The following FAM227B variants were observed in gnomAD, a reference collection of about 807,000 sequenced individuals.
FAM227B encodes the protein family with sequence similarity 227 member B, also known as protein FAM227B.
FAM227B carries 88 observed loss-of-function variants against 73.8 expected under a neutral mutation model. The observed-to-expected ratio is 1.19, with a 90% CI of 1.00 to 1.42. FAM227B has a LOEUF of 1.42. Ranked by LOEUF, FAM227B falls within the 40% of genes most tolerant of loss-of-function variation. FAM227B has a pLI of 0.00. For missense variants in FAM227B, 632 were observed against 590.9 expected, an observed-to-expected ratio of 1.07 and a Z score of -0.72; for synonymous variants, 210 against 190.5, an observed-to-expected ratio of 1.10 and a Z score of -0.84.
chr15:49,440,038 T>C (rs936175004), intron 11 of FAM227B, among the ~76,000 whole-genome samples: 2 of 151,796 alleles, frequency 1.3e-5, no homozygotes, highest in African/African-American at 4.8e-5. Flanking sequence ...TAAGAAGCAC[T>C]GATCTAGTCT....
At chr15:49,393,874 T>A (rs539590451) in intron 11 of FAM227B, among the ~76,000 whole-genome samples, 1 of 152,242 alleles carries the variant, frequency 6.6e-6, no homozygotes, top group Admixed American at 6.5e-5. Flanking sequence ...TAGTAAAACA[T>A]AATCTAAGAA....
intron 14 of FAM227B, chr15:49,334,375 T>A (rs895013225): frequency 3.4e-6 from 1 of 295,270 alleles, no homozygotes; most frequent in Non-Finnish European, 5.0e-6. Context: ...AATTTACTGA[T>A]ATACACGTGT....
At chr15:49,504,072 T>C (rs1197184976) in intron 11 of FAM227B, among the ~76,000 whole-genome samples, 2 of 152,010 alleles carry the variant, frequency 1.3e-5, no homozygotes, top group African/African-American at 4.8e-5. Context: ...GTGGCACATA[T>C]ACACCATGGA....
At chr15:49,514,054 G>T (rs905063970) in intron 10 of FAM227B, among the ~76,000 whole-genome samples, 11 of 152,090 alleles carry the variant, frequency 7.2e-5, no homozygotes, top group African/African-American at 2.7e-4. Context: ...TGTTCTTTTT[G>T]CTTAGGAAGG....
intron 11 of FAM227B, among the ~76,000 whole-genome samples, chr15:49,425,890 T>C (rs910602628): frequency 5.3e-5 from 8 of 151,700 alleles, no homozygotes; most frequent in Non-Finnish European, 8.8e-5. Flanking sequence ...AAAGTTTATC[T>C]AAGGAAATGA....
chr15:49,380,406 A>G (rs1313234881), intron 11 of FAM227B, among the ~76,000 whole-genome samples: 5 of 152,184 alleles, frequency 3.3e-5, no homozygotes, highest in Non-Finnish European at 1.5e-5. Flanking sequence ...AGGTGAAGAC[A>G]AAGTCCTCTT....
At chr15:49,546,798 A>G (rs1174350263) in intron 9 of FAM227B, among the ~76,000 whole-genome samples, 1 of 152,206 alleles carries the variant, frequency 6.6e-6, no homozygotes, top group Non-Finnish European at 1.5e-5. Context: ...GACCAAATCT[A>G]CGTCTGATTG....
At chr15:49,508,850 A>G (rs1052301440) in intron 10 of FAM227B, among the ~76,000 whole-genome samples, 4 of 152,178 alleles carry the variant, frequency 2.6e-5, no homozygotes, top group African/African-American at 4.8e-5. Context: ...AATATTGTGC[A>G]TTAATAGAAA....
At chr15:49,419,836 T>C (rs1597067557) in intron 11 of FAM227B, among the ~76,000 whole-genome samples, 1 of 152,274 alleles carries the variant, frequency 6.6e-6, no homozygotes, top group Non-Finnish European at 1.5e-5. Context: ...ATTCATGCTG[T>C]AAAGTTGCAG....
rs377139081 is a variant in FAM227B at position 49,332,087 on chromosome 15, CCACACACACA to C, written c.1350-248_1350-239del. On this transcript the variant is annotated intron_variant, in intron 14 of 15. Transcript: ENST00000299338. ...CACCCCCGCTGCATGTGCACACGTG[CCACACACACA>C]CACACACACACACACACACACATCC... Among the ~76,000 whole-genome samples, 854 of 127,976 alleles carry C rather than the reference CCACACACACA, an allele frequency of 6.7e-3. 13 individuals are homozygous for C. The highest frequency in any genetic ancestry group is 0.021 in the African/African-American group (807 of 39,012). The allele number at this position is 127,976 out of a possible 152,430, so 84.0% of individuals were successfully genotyped here. A position where few individuals can be genotyped will look rare whatever the true frequency, so the allele number is the denominator to read the frequency against.
intron 11 of FAM227B, among the ~76,000 whole-genome samples, chr15:49,402,166 A>G (rs575288260): frequency 2.6e-5 from 4 of 152,260 alleles, no homozygotes; most frequent in African/African-American, 9.6e-5. Flanking sequence ...TTTTGTATAC[A>G]AGCTTGGTGT....
intron 11 of FAM227B, among the ~76,000 whole-genome samples, chr15:49,397,754 A>G: frequency 6.6e-6 from 1 of 152,208 alleles, no homozygotes; most frequent in Admixed American, 6.5e-5. Flanking sequence ...ACTAAGCTTC[A>G]TAAGTGAAGG....
chr15:49,367,881 A>AAAAAAAAAAAAAAAAC (rs1567166287), intron 12 of FAM227B: 1 of 191,454 alleles, frequency 5.2e-6, no homozygotes. Context: ...AAAAAAAAAA[A>AAAAAAAAAAAAAAAAC]AATGAAGAAA....
At chr15:49,422,391 A>G in intron 11 of FAM227B, 1 of 407,952 alleles carries the variant, frequency 2.5e-6, no homozygotes, top group South Asian at 7.1e-5. Context: ...TTAGCAATAC[A>G]TATTATAATT....
intron 11 of FAM227B, among the ~76,000 whole-genome samples, chr15:49,378,702 G>A (rs2046326772): frequency 6.6e-6 from 1 of 151,960 alleles, no homozygotes; most frequent in African/African-American, 2.4e-5. Context: ...GCTTTCTTGT[G>A]GAGTCTTTAG....
intron 11 of FAM227B, among the ~76,000 whole-genome samples, chr15:49,431,048 C>T (rs1448406655): frequency 2.6e-5 from 4 of 151,784 alleles, no homozygotes; most frequent in Non-Finnish European, 5.9e-5. Flanking sequence ...ACAATAACTT[C>T]TCTAACATCA....
chr15:49,354,271 G>A (rs1424894926), intron 13 of FAM227B, among the ~76,000 whole-genome samples: 1 of 152,206 alleles, frequency 6.6e-6, no homozygotes, highest in Non-Finnish European at 1.5e-5. Context: ...AACAGCTCCG[G>A]TCTACAGCTC....
chr15:49,494,165 A>G (rs1451000975), intron 11 of FAM227B, among the ~76,000 whole-genome samples: 1 of 151,682 alleles, frequency 6.6e-6, no homozygotes, highest in African/African-American at 2.4e-5. Flanking sequence ...CCTAACAGTA[A>G]TTTTAATGCT....
At chr15:49,545,944 A>ATTC (rs1555532175) in intron 9 of FAM227B, among the ~76,000 whole-genome samples, 54,878 of 125,010 alleles carry the variant, frequency 0.44, 11,924 homozygotes, top group East Asian at 0.64. Flanking sequence ...AGGAGTAGCT[A>ATTC]TTTTTTTTTT....
Sources: gnomAD v4.1 joint callset for allele counts (sites outside exome capture counted in the v4.1 genomes callset) on GRCh38, gnomAD v4.1.1 for gene constraint, MANE v1.5 for transcripts, NCBI Gene and HGNC (gene_info 2026-07-23, HGNC 2026-07-21) for gene names.